The following ACTN1 variants were observed in gnomAD, a reference collection of about 807,000 sequenced individuals.
ACTN1 encodes alpha-actinin-1.
In ACTN1, 30 loss-of-function variants were observed where a neutral mutation model predicts 119.6. That is an observed-to-expected ratio of 0.25 (90% CI 0.19 to 0.34). ACTN1 has a LOEUF of 0.34. Among genes scored for constraint, ACTN1 ranks in the 10% least tolerant of loss-of-function variants. The pLI is 1.00. For missense variants in ACTN1, 764 were observed against 1,223.4 expected, an observed-to-expected ratio of 0.62 and a Z score of 5.60; for synonymous variants, 429 against 472.6, an observed-to-expected ratio of 0.91 and a Z score of 1.20.
chr14:68,967,049 A>C (rs2036730072), intron 1 of ACTN1, among the ~76,000 whole-genome samples: 1 of 152,216 alleles, frequency 6.6e-6, no homozygotes, highest in Admixed American at 6.5e-5. Context: ...CATTGGACGC[A>C]CCAGCTCAGA....
chr14:68,978,544 G>A (rs373264943), intron 1 of ACTN1: 1 of 288,546 alleles, frequency 3.5e-6, no homozygotes. Flanking sequence ...ATATGGAGAG[G>A]TGGCCAGGGG....
At chr14:68,969,046 C>T (rs1158350257) in intron 1 of ACTN1, among the ~76,000 whole-genome samples, 2 of 152,222 alleles carry the variant, frequency 1.3e-5, no homozygotes, top group Admixed American at 1.3e-4. Flanking sequence ...GGCCTCCTTG[C>T]CCATGCCAAG....
chr14:68,968,663 A>G (rs2036781381), intron 1 of ACTN1, among the ~76,000 whole-genome samples: 1 of 152,246 alleles, frequency 6.6e-6, no homozygotes, highest in African/African-American at 2.4e-5. Flanking sequence ...TCTGAAGCCA[A>G]CATGGTCTTT....
At chr14:68,881,955 T>TTTA (rs58500225) in intron 16 of ACTN1, among the ~76,000 whole-genome samples, 7 of 102,984 alleles carry the variant, frequency 6.8e-5, no homozygotes, top group South Asian at 3.2e-4. Context: ...TTTTTTTTTT[T>TTTA]GACAGAGTCT....
intron 8 of ACTN1, among the ~76,000 whole-genome samples, chr14:68,897,060 G>A (rs951958500): frequency 2.6e-5 from 4 of 152,142 alleles, no homozygotes; most frequent in African/African-American, 9.7e-5. Flanking sequence ...TCGGCTCACT[G>A]CAACCTCTGC....
intron 1 of ACTN1, among the ~76,000 whole-genome samples, chr14:68,958,580 T>C (rs951934460): frequency 5.3e-5 from 8 of 151,520 alleles, no homozygotes; most frequent in Middle Eastern, 3.5e-3. Flanking sequence ...TTGATTCACA[T>C]GGAAAAGGAC....
intron 3 of ACTN1, among the ~76,000 whole-genome samples, chr14:68,918,775 G>A (rs2034478178): frequency 6.6e-6 from 1 of 151,740 alleles, no homozygotes; most frequent in Non-Finnish European, 1.5e-5. Flanking sequence ...GGCTCTGACT[G>A]GGGAGGCAGC....
At chr14:68,970,548 A>G (rs2140674317) in intron 1 of ACTN1, among the ~76,000 whole-genome samples, 1 of 152,350 alleles carries the variant, frequency 6.6e-6, no homozygotes, top group South Asian at 2.1e-4. Context: ...GGAAGGACAG[A>G]CAGAACAGGT....
At chr14:68,902,253 C>T (rs2033390037) in intron 8 of ACTN1, among the ~76,000 whole-genome samples, 1 of 152,180 alleles carries the variant, frequency 6.6e-6, no homozygotes, top group African/African-American at 2.4e-5. Flanking sequence ...TGAGCTGCTG[C>T]CCAATTTTCT....
At chr14:68,933,998 T>A (rs1304077457) in intron 1 of ACTN1, among the ~76,000 whole-genome samples, 8 of 144,470 alleles carry the variant, frequency 5.5e-5, no homozygotes, top group African/African-American at 2.0e-4. Flanking sequence ...AAAAAAAAAA[T>A]CTAGATTTTT....
intron 1 of ACTN1, among the ~76,000 whole-genome samples, chr14:68,930,290 T>C (rs1373424436): frequency 3.3e-5 from 5 of 152,196 alleles, no homozygotes; most frequent in Admixed American, 6.5e-5. Flanking sequence ...AATTTTAGCA[T>C]AGTAATGTTG....
At chr14:68,916,944 C>T (rs780864022) in intron 3 of ACTN1, among the ~76,000 whole-genome samples, 1 of 152,146 alleles carries the variant, frequency 6.6e-6, no homozygotes, top group Non-Finnish European at 1.5e-5. Flanking sequence ...CAGGGGCCAC[C>T]ACCTCCCAGA....
At chr14:68,948,860 C>G (rs1002155875) in intron 1 of ACTN1, among the ~76,000 whole-genome samples, 1 of 152,218 alleles carries the variant, frequency 6.6e-6, no homozygotes, top group African/African-American at 2.4e-5. Context: ...CACACTGCCT[C>G]CTGAGGCGCA....
At chr14:68,965,072 G>C (rs1448077419) in intron 1 of ACTN1, among the ~76,000 whole-genome samples, 4 of 152,186 alleles carry the variant, frequency 2.6e-5, no homozygotes, top group Non-Finnish European at 4.4e-5. Flanking sequence ...CAGGTGTTCT[G>C]GAGCCCACCT....
intron 1 of ACTN1, among the ~76,000 whole-genome samples, chr14:68,937,854 G>C (rs959633211): frequency 6.6e-6 from 1 of 152,210 alleles, no homozygotes; most frequent in Non-Finnish European, 1.5e-5. Flanking sequence ...TGTGTGGGCG[G>C]GGTGTGTGAA....
At position 68,878,376 on chromosome 14, in the gene ACTN1, GC is replaced by G. The variant is rs1309479571; in HGVS notation, c.2427+81del. ...GCAGCCCCTAGCCTGAGGGCCTCCA[GC>G]CTGCCACTCCTGGGACTTGGCTGCT... On this transcript the variant is annotated intron_variant, in intron 20 of 21. Coordinates refer to ENST00000394419, the MANE Select transcript of ACTN1 (RefSeq NM_001130004.2). The surrounding 1 kb of genome is among the most constrained non-coding windows in gnomAD (Gnocchi z 4.4). 5 of 1,496,260 alleles carry G rather than the reference GC, an allele frequency of 3.3e-6. No homozygotes were observed. The highest frequency in any genetic ancestry group is 4.4e-6 in the Non-Finnish European group (5 of 1,125,092). The allele number at this position is 1,496,260 out of a possible 1,614,324, so 92.7% of individuals were successfully genotyped here. A position where few individuals can be genotyped will look rare whatever the true frequency, so the allele number is the denominator to read the frequency against.
chr14:68,959,650 T>C (rs1187783630), intron 1 of ACTN1, among the ~76,000 whole-genome samples: 1 of 152,146 alleles, frequency 6.6e-6, no homozygotes, highest in East Asian at 1.9e-4. Flanking sequence ...AACTTGTACA[T>C]GGAATCTAAA....
chr14:68,890,463 T>C (rs897731431), intron 10 of ACTN1, among the ~76,000 whole-genome samples, 177 bp from the exon 11 acceptor site: 2 of 152,154 alleles, frequency 1.3e-5, no homozygotes, highest in Non-Finnish European at 2.9e-5. Context: ...CCACTGGTAT[T>C]TTCTGGGCTC....
chr14:68,883,054 C>G lies in ACTN1; in HGVS notation c.1637G>C (p.Gly546Ala), dbSNP rs1298211510. 6.2e-7 allele frequency: 1 copy of G among 1,613,582 alleles called. No individual in the cohort carries two copies. Among genetic ancestry groups the G allele is most frequent in the Admixed American group, 1.7e-5 (1 of 60,016 alleles). Reference sequence around the variant, plus strand: ...GAACTGCTCATGGGCTGTGGTCAGTCCCTGGACAGAGATGGGAATATGTGG... The same window carrying G: ...GAACTGCTCATGGGCTGTGGTCAGTGCCTGGACAGAGATGGGAATATGTGG... ...FIVHTIEEIQ[G>A]LTTAHEQFKA... The change falls in exon 15 of 22, where the codon GGA (glycine) becomes GCA (alanine). Residue 546 changes from glycine to alanine, a missense_variant and splice_region_variant. This residue lies in a region of ACTN1 where 544 missense variants were observed against 912.0 expected (regional missense o/e 0.60). Coordinates refer to ENST00000394419, the MANE Select transcript of ACTN1 (RefSeq NM_001130004.2).
Sources: gnomAD v4.1 joint callset for allele counts (sites outside exome capture counted in the v4.1 genomes callset) on GRCh38, gnomAD v4.1.1 for gene constraint, gnomAD v4.1.1 regional missense constraint, Gnocchi (gnomAD v3.1) non-coding constraint, MANE v1.5 for transcripts, NCBI Gene and HGNC (gene_info 2026-07-23, HGNC 2026-07-21) for gene names.